SUPT3H: variants seen among roughly 807,000 people sequenced by gnomAD.
SUPT3H encodes the protein transcription initiation protein SPT3 homolog.
SUPT3H carries 44 observed loss-of-function variants against 44.3 expected under a neutral mutation model. That is an observed-to-expected ratio of 0.99 (90% CI 0.78 to 1.28). SUPT3H has a LOEUF of 1.28. Among genes scored for constraint, SUPT3H ranks in the 50% most tolerant of loss-of-function variants. The pLI is 0.00. For synonymous variants in SUPT3H, 124 were observed against 125.6 expected (o/e 0.99, Z 0.09); for missense variants, 380 against 387.1 (o/e 0.98, Z 0.15).
At chr6:45,211,031 C>G (rs1764002047) in intron 2 of SUPT3H, among the ~76,000 whole-genome samples, 1 of 152,142 alleles carries the variant, frequency 6.6e-6, no homozygotes, top group Non-Finnish European at 1.5e-5. Context: ...CTTTAACTGA[C>G]CATTCCACAA....
intron 2 of SUPT3H, among the ~76,000 whole-genome samples, chr6:45,324,662 T>A (rs1786077225): frequency 6.6e-6 from 1 of 151,658 alleles, no homozygotes; most frequent in African/African-American, 2.4e-5. Flanking sequence ...CAGGAGAGAT[T>A]GACTTAGCAT....
chr6:45,359,705 G>A (rs1581888442), intron 2 of SUPT3H, among the ~76,000 whole-genome samples: 1 of 152,056 alleles, frequency 6.6e-6, no homozygotes, highest in Non-Finnish European at 1.5e-5. Context: ...TGCTGAAAAA[G>A]ATCTGTTGTT....
At chr6:44,981,768 A>AG (rs1391959090) in intron 6 of SUPT3H, among the ~76,000 whole-genome samples, 1 of 151,472 alleles carries the variant, frequency 6.6e-6, no homozygotes, top group African/African-American at 2.4e-5. Context: ...CTCTTATCTC[A>AG]GGGAACTCCT....
intron 3 of SUPT3H, among the ~76,000 whole-genome samples, chr6:45,039,857 A>AAT (rs1554217897): frequency 0.12 from 18,700 of 151,258 alleles, 1,442 homozygotes; most frequent in East Asian, 0.25. Flanking sequence ...AAAAAAAAAA[A>AAT]TTTTGCTAGA....
At chr6:45,177,297 T>A (rs1424690141) in intron 2 of SUPT3H, among the ~76,000 whole-genome samples, 1 of 152,060 alleles carries the variant, frequency 6.6e-6, no homozygotes, top group Non-Finnish European at 1.5e-5. Flanking sequence ...GCCAATGCGA[T>A]CAACTGGAAG....
At chr6:44,933,944 A>G (rs984827027) in intron 9 of SUPT3H, among the ~76,000 whole-genome samples, 48 of 152,336 alleles carry the variant, frequency 3.2e-4, no homozygotes, top group African/African-American at 1.1e-3. Context: ...AGGTTATTTA[A>G]ATTAAGTGTT....
chr6:44,889,126 C>T (rs1439932126), intron 10 of SUPT3H, among the ~76,000 whole-genome samples: 2 of 151,808 alleles, frequency 1.3e-5, no homozygotes, highest in Non-Finnish European at 2.9e-5. Context: ...AGGATACAAA[C>T]AAATGGAATA....
intron 2 of SUPT3H, among the ~76,000 whole-genome samples, chr6:45,179,153 C>T (rs544987186): frequency 5.3e-5 from 8 of 152,156 alleles, no homozygotes; most frequent in Non-Finnish European, 8.8e-5. Flanking sequence ...TTCCTCGACA[C>T]GTACACTCTC....
intron 2 of SUPT3H, among the ~76,000 whole-genome samples, chr6:45,155,435 G>A (rs1038377290): frequency 1.2e-4 from 18 of 152,044 alleles, no homozygotes; most frequent in Admixed American, 2.0e-4. Context: ...CAGCAGTGAC[G>A]GTCAAAGAAG....
intron 2 of SUPT3H, among the ~76,000 whole-genome samples, chr6:45,119,356 A>C (rs904602041): frequency 9.9e-5 from 15 of 152,208 alleles, no homozygotes; most frequent in African/African-American, 3.6e-4. Flanking sequence ...GCACCTAAGA[A>C]GATGCCAGTT....
intron 10 of SUPT3H, among the ~76,000 whole-genome samples, chr6:44,845,829 A>T (rs1489018413): frequency 6.6e-6 from 1 of 152,206 alleles, no homozygotes; most frequent in Non-Finnish European, 1.5e-5. Flanking sequence ...CTTCCACTCA[A>T]TAAAACCTTG....
chr6:44,871,230 G>A (rs1343056675), intron 10 of SUPT3H, among the ~76,000 whole-genome samples: 1 of 127,132 alleles, frequency 7.9e-6, no homozygotes, highest in Admixed American at 7.9e-5. Flanking sequence ...AGTAACCTCT[G>A]CAGACTTAAG....
chr6:45,116,810 A>G (rs1800913340), intron 2 of SUPT3H, among the ~76,000 whole-genome samples: 1 of 152,138 alleles, frequency 6.6e-6, no homozygotes. Flanking sequence ...TTTTACCATC[A>G]TCACCACAAT....
chr6:45,052,686 A>C (rs1307302706), intron 3 of SUPT3H, among the ~76,000 whole-genome samples: 3 of 152,184 alleles, frequency 2.0e-5, no homozygotes, highest in Non-Finnish European at 4.4e-5. Flanking sequence ...CTTAGTCCTA[A>C]AGTCATGAGA....
intron 2 of SUPT3H, among the ~76,000 whole-genome samples, chr6:45,137,603 A>G (rs1804517428): frequency 6.6e-6 from 1 of 152,012 alleles, no homozygotes; most frequent in South Asian, 2.1e-4. Context: ...GCAGCAGATT[A>G]TAACAAAGTT....
intron 7 of SUPT3H, among the ~76,000 whole-genome samples, chr6:44,959,766 TGTACCA>T (rs1775735273): frequency 6.6e-6 from 1 of 152,162 alleles, no homozygotes; most frequent in Admixed American, 6.5e-5. Flanking sequence ...TATTTTAAAA[TGTACCA>T]GTAATTCCAG....
At position 45,207,766 on chromosome 6, in the gene SUPT3H, T is replaced by C. The variant is rs1292853585; in HGVS notation, c.102-101760A>G. Among the ~76,000 whole-genome samples, 5 of 152,290 alleles carry C rather than the reference T, an allele frequency of 3.3e-5. No homozygotes were observed. The East Asian group carries it at 9.6e-4, about 29-fold the overall frequency. On this transcript the variant is annotated intron_variant, in intron 2 of 10. Coordinates refer to ENST00000371459, the MANE Select transcript of SUPT3H (RefSeq NM_003599.4). ...ACCAGGCCCATATAAAATAGCAAAT[T>C]TAATTGATACATATTGTGTATATTC... is the stretch of plus-strand genomic sequence containing the variant.
chr6:44,925,455 T>C (rs901330282), intron 10 of SUPT3H, among the ~76,000 whole-genome samples: 4 of 152,166 alleles, frequency 2.6e-5, no homozygotes, highest in African/African-American at 9.7e-5. Flanking sequence ...GTTCAGAGGG[T>C]TAACATTTTT....
intron 3 of SUPT3H, among the ~76,000 whole-genome samples, chr6:45,061,486 C>T (rs906107095): frequency 4.6e-5 from 7 of 152,204 alleles, no homozygotes; most frequent in Non-Finnish European, 8.8e-5. Context: ...ATAGCTAATG[C>T]ATGCTGGGCT....
Sources: gnomAD v4.1 joint callset for allele counts (sites outside exome capture counted in the v4.1 genomes callset) on GRCh38, gnomAD v4.1.1 for gene constraint, MANE v1.5 for transcripts, NCBI Gene and HGNC (gene_info 2026-07-23, HGNC 2026-07-21) for gene names.